The following TYRP1 variants were observed in gnomAD, a reference collection of about 807,000 sequenced individuals.
The protein encoded by TYRP1 is tyrosinase related protein 1, also known as 5,6-dihydroxyindole-2-carboxylic acid oxidase.
In TYRP1, 49 loss-of-function variants were observed where a neutral mutation model predicts 42.8. The observed-to-expected ratio is 1.14, with a 90% CI of 0.91 to 1.45. The LOEUF is 1.45. Ranked by LOEUF, TYRP1 falls within the 40% of genes most tolerant of loss-of-function variation. TYRP1 has a pLI of 0.00. For synonymous variants in TYRP1, 279 were observed against 235.4 expected (o/e 1.19, Z -1.69); for missense variants, 848 against 662.0 (o/e 1.28, Z -3.08).
At position 12,709,133 on chromosome 9, in the gene TYRP1, A is replaced by G. The variant is rs188236569; in HGVS notation, c.1565A>G (p.Tyr522Cys). The G allele has an allele frequency of 3.1e-5, 50 of 1,612,676 alleles. No homozygotes were observed. The highest frequency in any genetic ancestry group is 1.6e-4 in the South Asian group (15 of 91,060). ...CTCCTCACTGATCAGTATCAATGCTATGCTGAAGAATATGAAAAACTCCAG... is the reference window on the plus strand; with the variant it reads ...CTCCTCACTGATCAGTATCAATGCTGTGCTGAAGAATATGAAAAACTCCAG... ...QPLLTDQYQC[Y>C]AEEYEKLQNP... Residue 522 changes from tyrosine to cysteine, a missense_variant, in exon 8 of 8, where the codon TAT becomes TGT. Physicochemically the swap from Tyr to Cys is radical, Grantham distance 194. Transcript: ENST00000388918.
At chr9:12,702,622 A>G (rs909005740) in intron 5 of TYRP1, among the ~76,000 whole-genome samples, 184 bp downstream of exon 5, 2 of 152,058 alleles carry the variant, frequency 1.3e-5, no homozygotes, top group Non-Finnish European at 2.9e-5. Flanking sequence ...AGAGTCAACC[A>G]TGAAGCTCTT....
intron 3 of TYRP1, 82 bp from the exon 4 acceptor site, chr9:12,698,369 T>A (rs563958198): frequency 4.5e-5 from 60 of 1,337,308 alleles, no homozygotes; most frequent in Non-Finnish European, 3.7e-5. Flanking sequence ...CTAATAGAAA[T>A]AGACTGTCAG....
intron 2 of TYRP1, 77 bp downstream of exon 2, chr9:12,694,458 C>T: frequency 2.6e-6 from 4 of 1,532,604 alleles, no homozygotes; most frequent in Non-Finnish European, 3.6e-6. Flanking sequence ...ATCATTTGAG[C>T]TGGAGGAATA....
At chr9:12,695,425 G>T in intron 2 of TYRP1, 90 bp from the exon 3 acceptor site, 4 of 1,139,290 alleles carry the variant, frequency 3.5e-6, no homozygotes, top group Non-Finnish European at 5.3e-6. Flanking sequence ...TGGATAAATG[G>T]GTCGTGGTGT....
At chr9:12,700,600 T>A (rs1818151162) in intron 4 of TYRP1, 1 of 152,086 alleles carries the variant, frequency 6.6e-6, no homozygotes, top group Non-Finnish European at 1.5e-5. Context: ...GCAGAGTTTG[T>A]CCATATGCAA....
Position 12,695,841 on chromosome 9 carries a change from T to C in TYRP1, c.708+4T>C, listed in dbSNP as rs369072891. ...GCGTCTGGAGAAAGACATGCAGGTATGTAAGAAGCATTTCAGTTTGCAGAC... is the reference window on the plus strand; with the variant it reads ...GCGTCTGGAGAAAGACATGCAGGTACGTAAGAAGCATTTCAGTTTGCAGAC... On this transcript the variant is annotated splice_donor_region_variant and intron_variant, in intron 3 of 7. Transcript: ENST00000388918. The C allele has an allele frequency of 1.2e-5, 20 of 1,613,674 alleles. No individual in the cohort carries two copies. The African/African-American group carries it at 2.7e-4, about 22-fold the overall frequency.
rs1316509544 is a variant in TYRP1, at chr9:12,694,296, C to G, written c.300C>G (p.His100Gln). The change falls in exon 2 of 8, where the codon CAC becomes CAG. Residue 100 changes from histidine to glutamine, a missense_variant. Physicochemically the swap from His to Gln is conservative, Grantham distance 24 (BLOSUM62 0). Transcript: ENST00000388918. ...WPLRFFNRTC[H>Q]CNGNFSGHNC... ...TGCGCTTCTTCAATAGGACATGTCA[C>G]TGCAACGGCAATTTCTCAGGACACA... The G allele has an allele frequency of 6.2e-7, 1 of 1,614,004 alleles. No individual in the cohort carries two copies. Among genetic ancestry groups the G allele is most frequent in the Non-Finnish European group, 8.5e-7 (1 of 1,179,984 alleles).
At position 12,709,218 on chromosome 9, in the gene TYRP1, A is replaced by C. The variant is rs762721980; in HGVS notation, c.*36A>C. The C allele has an allele frequency of 6.3e-7, 1 of 1,577,860 alleles. No homozygotes were observed. Among genetic ancestry groups the C allele is most frequent in the Non-Finnish European group, 8.7e-7 (1 of 1,147,996 alleles). On this transcript the variant is annotated 3_prime_UTR_variant, in exon 8 of 8. Transcript: ENST00000388918. ...ACTCTCTTATGCATTAGTATCACAA[A>C]ACCACCTGGTTGAATATAATAGATT...
chr9:12,709,073 G>A lies in TYRP1; in HGVS notation c.1505G>A (p.Arg502His), dbSNP rs371392847. 2.7e-5 allele frequency: 44 copies of A among 1,612,638 alleles called. No individual in the cohort carries two copies. Among genetic ancestry groups the A allele is most frequent in the Non-Finnish European group, 3.2e-5 (38 of 1,179,202 alleles). Reference protein sequence around the residue: ...LIFGTASYLIRARRSMDEANQ... With the variant: ...LIFGTASYLIHARRSMDEANQ... ...TTTGGGACTGCTTCTTATCTGATTCGTGCCAGACGCAGTATGGATGAAGCT... is the reference window on the plus strand; with the variant it reads ...TTTGGGACTGCTTCTTATCTGATTCATGCCAGACGCAGTATGGATGAAGCT... The change falls in exon 8 of 8, where the codon CGT (arginine) becomes CAT (histidine). Residue 502 changes from arginine to histidine, a missense_variant. Transcript: ENST00000388918.
At chr9:12,698,829 G>T (rs112342609) in intron 4 of TYRP1, among the ~76,000 whole-genome samples, 174 bp downstream of exon 4, 7,763 of 152,178 alleles carry the variant, frequency 0.051, 218 homozygotes, top group Non-Finnish European at 0.062. Context: ...AGGTACTCTA[G>T]AAGTTGCTCC....
At chr9:12,707,738 A>G in intron 6 of TYRP1, 1 of 401,456 alleles carries the variant, frequency 2.5e-6, no homozygotes, top group Non-Finnish European at 4.4e-6. Context: ...AGATCACCAT[A>G]GGTGATGAAA....
Position 12,709,871 on chromosome 9 carries a change from C to G in TYRP1, c.*689C>G, listed in dbSNP as rs1818330669. ...ATTGCCTGTGTTTGCCACTGTGTTT[C>G]CCTGCCTCTCAATTCGCTGAAAAAG... is the stretch of plus-strand genomic sequence containing the variant. On this transcript the variant is annotated 3_prime_UTR_variant, in exon 8 of 8. Transcript: ENST00000388918. The G allele has an allele frequency of 6.5e-6, 1 of 152,714 alleles. No homozygotes were observed. Among genetic ancestry groups the G allele is most frequent in the Non-Finnish European group, 1.5e-5 (1 of 68,538 alleles). 9.5% of individuals were successfully genotyped at this position (152,714 alleles called of 1,614,324 possible).
At chr9:12,704,931 G>A (rs1200159578) in intron 6 of TYRP1, among the ~76,000 whole-genome samples, 2 of 151,954 alleles carry the variant, frequency 1.3e-5, no homozygotes, top group Admixed American at 1.3e-4. Flanking sequence ...CATTTGCTGG[G>A]ACTAACCAAA....
intron 3 of TYRP1, among the ~76,000 whole-genome samples, chr9:12,696,296 G>C (rs1295410493): frequency 1.3e-5 from 2 of 151,998 alleles, no homozygotes; most frequent in Non-Finnish European, 2.9e-5. Flanking sequence ...ACATGGTATA[G>C]GGTTTAAATC....
chr9:12,695,674 T>G lies in TYRP1; in HGVS notation c.545T>G (p.Ile182Ser). ...PDGNTPQFENISIYNYFVWTH... is the reference protein window; with the variant it reads ...PDGNTPQFENSSIYNYFVWTH... ...GGCAACACGCCACAATTTGAGAACATTTCCATTTATAACTACTTTGTTTGG... is the reference window on the plus strand; with the variant it reads ...GGCAACACGCCACAATTTGAGAACAGTTCCATTTATAACTACTTTGTTTGG... Residue 182 changes from isoleucine to serine, a missense_variant, in exon 3 of 8, where the codon ATT (isoleucine) becomes AGT (serine). Physicochemically the swap from Ile to Ser is moderately radical, Grantham distance 142. Coordinates refer to ENST00000388918, the MANE Select transcript of TYRP1 (RefSeq NM_000550.3). The G allele has an allele frequency of 6.2e-7, 1 of 1,614,156 alleles. No individual in the cohort carries two copies. Among genetic ancestry groups the G allele is most frequent in the African/African-American group, 1.3e-5 (1 of 75,040 alleles).
intron 7 of TYRP1, 74 bp downstream of exon 7, chr9:12,708,217 A>T: frequency 2.6e-6 from 4 of 1,549,384 alleles, no homozygotes; most frequent in Non-Finnish European, 3.5e-6. Context: ...TAGAGTAATC[A>T]CGGTATTCTG....
chr9:12,701,096 C>T (rs1056204474), intron 4 of TYRP1, among the ~76,000 whole-genome samples: 1 of 151,886 alleles, frequency 6.6e-6, no homozygotes, highest in Admixed American at 6.6e-5. Context: ...TTCTGGAGAC[C>T]ACTGGGACAG....
chr9:12,694,710 A>G (rs777778642), intron 2 of TYRP1, among the ~76,000 whole-genome samples: 4 of 152,188 alleles, frequency 2.6e-5, no homozygotes, highest in Non-Finnish European at 5.9e-5. Context: ...GAGGTTCAGA[A>G]AGTTCAAATC....
chr9:12,700,830 G>A (rs1202254432), intron 4 of TYRP1, among the ~76,000 whole-genome samples: 1 of 152,010 alleles, frequency 6.6e-6, no homozygotes, highest in Non-Finnish European at 1.5e-5. Flanking sequence ...TCTAGCTAGT[G>A]ATGGTGAAAG....
Sources: gnomAD v4.1 joint callset for allele counts (sites outside exome capture counted in the v4.1 genomes callset) on GRCh38, gnomAD v4.1.1 for gene constraint, MANE v1.5 for transcripts, NCBI Gene and HGNC (gene_info 2026-07-23, HGNC 2026-07-21) for gene names.